LINGO1: variants seen among roughly 807,000 people sequenced by gnomAD.
The protein encoded by LINGO1 is leucine-rich repeat and immunoglobulin-like domain-containing nogo receptor-interacting protein 1.
In LINGO1, 11 loss-of-function variants were observed where a neutral mutation model predicts 37.3. The observed-to-expected ratio is 0.29, with a 90% CI of 0.19 to 0.49. The LOEUF is 0.49. Ranked by LOEUF, LINGO1 falls within the 20% of genes least tolerant of loss-of-function variation. The probability of loss-of-function intolerance (pLI) is 0.99; values close to 1 mark genes in which losing one functional copy is unlikely to be tolerated. For synonymous variants in LINGO1, 387 were observed against 403.0 expected, an observed-to-expected ratio of 0.96 and a Z score of 0.48; for missense variants, 585 against 878.2, an observed-to-expected ratio of 0.67 and a Z score of 4.22.
At chr15:77,652,968 G>A (rs1294524019) in intron 3 of LINGO1, among the ~76,000 whole-genome samples, 3 of 152,234 alleles carry the variant, frequency 2.0e-5, no homozygotes, top group Non-Finnish European at 4.4e-5. Flanking sequence ...GCCACACAGG[G>A]TGGATGGATC....
upstream of LINGO1, among the ~76,000 whole-genome samples, chr15:77,789,292 A>G (rs982928190): frequency 2.6e-5 from 4 of 152,356 alleles, no homozygotes; most frequent in Middle Eastern, 3.4e-3. Context: ...CCTTAATCCA[A>G]TACGACTATT....
chr15:77,660,261 G>C (rs975236582), intron 3 of LINGO1: 1 of 152,340 alleles, frequency 6.6e-6, no homozygotes, highest in Non-Finnish European at 1.5e-5. Flanking sequence ...GCCAGGCGGA[G>C]GTTCAGCCAT....
upstream of LINGO1, among the ~76,000 whole-genome samples, chr15:77,701,453 C>A (rs1175122566): frequency 6.6e-6 from 1 of 152,212 alleles, no homozygotes; most frequent in South Asian, 2.1e-4. Context: ...GGGTGGGAAC[C>A]CCGGAGGCCC....
At chr15:77,736,179 G>A (rs2141340257) in intron 1 of LINGO1, among the ~76,000 whole-genome samples, 1 of 152,342 alleles carries the variant, frequency 6.6e-6, no homozygotes, top group Admixed American at 6.5e-5. Flanking sequence ...GTACACATGT[G>A]CAAATGTGTG....
upstream of LINGO1, among the ~76,000 whole-genome samples, chr15:77,790,705 G>C (rs1374329526): frequency 6.6e-6 from 1 of 152,098 alleles, no homozygotes; most frequent in Non-Finnish European, 1.5e-5. Flanking sequence ...CGCTGGGTTT[G>C]GGGGGGTGGA....
At chr15:77,711,088 G>T (rs1388584529) in intron 2 of LINGO1, among the ~76,000 whole-genome samples, 1 of 152,024 alleles carries the variant, frequency 6.6e-6, no homozygotes, top group African/African-American at 2.4e-5. Context: ...CCTCCAGAAT[G>T]TCCCCTCTCT....
chr15:77,620,947 G>A (rs1409293403), intron 1 of LINGO1, among the ~76,000 whole-genome samples: 2 of 152,114 alleles, frequency 1.3e-5, no homozygotes, highest in Non-Finnish European at 2.9e-5. Context: ...AGGGGGGCAG[G>A]GACGTGACTC....
chr15:77,786,371 T>C (rs1284595704), intron 1 of LINGO1, among the ~76,000 whole-genome samples: 2 of 152,100 alleles, frequency 1.3e-5, no homozygotes. Context: ...GGGCAGCCAA[T>C]CAGGACACCT....
chr15:77,792,010 C>T (rs1231722847), upstream of LINGO1, among the ~76,000 whole-genome samples: 1 of 152,138 alleles, frequency 6.6e-6, no homozygotes. Context: ...GGCTCAGAGG[C>T]TTCAGATACC....
intron 1 of LINGO1, among the ~76,000 whole-genome samples, chr15:77,625,536 T>A (rs2074061937): frequency 6.6e-6 from 1 of 152,168 alleles, no homozygotes; most frequent in African/African-American, 2.4e-5. Flanking sequence ...CTCTTTTTTT[T>A]AAAAGCTAAC....
intron 2 of LINGO1, among the ~76,000 whole-genome samples, chr15:77,711,879 T>C (rs553096295): frequency 8.0e-6 from 1 of 124,754 alleles, no homozygotes; most frequent in South Asian, 2.8e-4. Flanking sequence ...TGTTCTCTCC[T>C]CTGAGGGGGG....
At chr15:77,622,250 G>A (rs907172490) in intron 1 of LINGO1, among the ~76,000 whole-genome samples, 11 of 152,014 alleles carry the variant, frequency 7.2e-5, no homozygotes, top group Non-Finnish European at 1.3e-4. Context: ...ACACGTGGTG[G>A]GTGAGGCTGC....
At chr15:77,741,173 A>C (rs920437846) in intron 1 of LINGO1, among the ~76,000 whole-genome samples, 1 of 152,132 alleles carries the variant, frequency 6.6e-6, no homozygotes, top group African/African-American at 2.4e-5. Context: ...TGGGGAAGGC[A>C]CTCTCAGCAG....
chr15:77,794,422 G>A (rs8039241), intron 2 of LINGO1, among the ~76,000 whole-genome samples: 2,343 of 6,784 alleles, frequency 0.35, 848 homozygotes, highest in Middle Eastern at 0.83. Flanking sequence ...ATATACATAC[G>A]TATATGTATA....
chr15:77,781,644 C>T (rs1239101097), intron 1 of LINGO1, among the ~76,000 whole-genome samples: 3 of 152,138 alleles, frequency 2.0e-5, no homozygotes, highest in African/African-American at 7.2e-5. Flanking sequence ...CTCCGCACTC[C>T]GTACACCACC....
chr15:77,753,293 T>C (rs2076388693), intron 1 of LINGO1, among the ~76,000 whole-genome samples: 1 of 152,216 alleles, frequency 6.6e-6, no homozygotes, highest in South Asian at 2.1e-4. Context: ...GGGCTGTAGG[T>C]CAGCTCTAAA....
In LINGO1 at chr15:77,624,047, G is replaced by T. The variant is rs116434188; in HGVS notation, c.7-8147C>A. 2.4e-3 allele frequency among the ~76,000 whole-genome samples: 367 copies of T among 149,850 alleles called. 1 individual carries two copies. Among genetic ancestry groups the T allele is most frequent in the African/African-American group, 8.5e-3 (343 of 40,462 alleles). On this transcript the variant is annotated intron_variant, in intron 1 of 1. Coordinates refer to ENST00000355300, the MANE Select transcript of LINGO1 (RefSeq NM_032808.7). The stretch of plus-strand genomic sequence containing the variant: ...AGTGGTCACTGTGTGAGTGTGGTGT[G>T]TGTGTGAGTGCGGTGTGTGAGTGTG...
At chr15:77,624,205 CTGTG>C (rs1294049106) in intron 1 of LINGO1, among the ~76,000 whole-genome samples, 15 of 141,516 alleles carry the variant, frequency 1.1e-4, no homozygotes, top group South Asian at 2.3e-4. Context: ...TGTGTGGCCT[CTGTG>C]TGTGTGTGTG....
At chr15:77,649,232 C>T (rs2074705094) in intron 3 of LINGO1, 1 of 152,200 alleles carries the variant, frequency 6.6e-6, no homozygotes. Context: ...TGGGAATGTT[C>T]TAGGTAAATG....
Sources: gnomAD v4.1 joint callset for allele counts (sites outside exome capture counted in the v4.1 genomes callset) on GRCh38, gnomAD v4.1.1 for gene constraint, MANE v1.5 for transcripts, NCBI Gene and HGNC (gene_info 2026-07-23, HGNC 2026-07-21) for gene names.